URI1: variants seen among roughly 807,000 people sequenced by gnomAD.
URI1 encodes unconventional prefoldin RPB5 interactor 1.
URI1 carries 39 observed loss-of-function variants against 60.2 expected under a neutral mutation model. The observed-to-expected ratio is 0.65, with a 90% confidence interval of 0.50 to 0.85. The LOEUF (loss-of-function observed/expected upper bound fraction) is 0.85. URI1 is among the 40% of genes least tolerant of loss of function. URI1 has a pLI of 0.00. For missense variants in URI1, 691 were observed against 665.9 expected (o/e 1.04, Z -0.42); for synonymous variants, 251 against 236.8 (o/e 1.06, Z -0.55).
intron 4 of URI1, among the ~76,000 whole-genome samples, chr19:29,988,020 T>C (rs577296777): frequency 6.6e-6 from 1 of 151,990 alleles, no homozygotes; most frequent in Admixed American, 6.5e-5. Context: ...ATACAAAAAT[T>C]AGCCGGGCGT....
intron 1 of URI1, among the ~76,000 whole-genome samples, chr19:29,970,887 G>T (rs2055450845): frequency 6.6e-6 from 1 of 151,994 alleles, no homozygotes; most frequent in Admixed American, 6.5e-5. Context: ...CAGGTCTGTA[G>T]ATTGTACAAA....
chr19:30,009,412 T>C, intron 8 of URI1, 59 bp downstream of exon 8: 2 of 1,435,974 alleles, frequency 1.4e-6, no homozygotes, highest in Non-Finnish European at 9.6e-7. Context: ...AGCATTATGA[T>C]ATTTTTTAGA....
Position 29,942,473 on chromosome 19 carries a change from G to A in URI1, c.-75G>A. The A allele has an allele frequency of 9.3e-7, 1 of 1,075,258 alleles. No individual in the cohort carries two copies. Among genetic ancestry groups the A allele is most frequent in the Non-Finnish European group, 1.1e-6 (1 of 887,478 alleles). 66.6% of individuals were successfully genotyped at this position (1,075,258 alleles called of 1,614,324 possible). ...CTGAGGGCGGGCGCGCGGGCGCTGG[G>A]CAACTGCCGGCCGCGCCGCCTGCGC... On this transcript the variant is annotated 5_prime_UTR_variant, in exon 1 of 11. Transcript: ENST00000392271.
chr19:29,926,120 T>C (rs952479361), intron 1 of URI1, among the ~76,000 whole-genome samples: 1 of 151,994 alleles, frequency 6.6e-6, no homozygotes. Flanking sequence ...TTTATTTCAA[T>C]AGGTTTTTAA....
intron 1 of URI1, among the ~76,000 whole-genome samples, chr19:29,927,261 CTTTTT>C (rs5827680): frequency 8.0e-6 from 1 of 124,860 alleles, no homozygotes; most frequent in South Asian, 2.5e-4. Context: ...TTTCATCCCT[CTTTTT>C]TTTTTTTTTT....
chr19:29,924,177 GGTC>G (rs2054845975), intron 1 of URI1, among the ~76,000 whole-genome samples: 1 of 152,018 alleles, frequency 6.6e-6, no homozygotes, highest in Non-Finnish European at 1.5e-5. Context: ...TTTTTTACTC[GGTC>G]TACTGATTCG....
In URI1 at chr19:30,015,685, A is replaced by C; in HGVS notation, c.*616A>C. 1.8e-6 allele frequency: 2 copies of C among 1,116,934 alleles called. No individual in the cohort carries two copies. Among genetic ancestry groups the C allele is most frequent in the Non-Finnish European group, 2.5e-6 (2 of 794,692 alleles). The allele number at this position is 1,116,934 out of a possible 1,614,324, so 69.2% of individuals were successfully genotyped here. ...GTAAAACTTTTTTTTCCAAGTAAAAACTTTATGAAACTTGGTCTCAAAAAT... is the reference window on the plus strand; with the variant it reads ...GTAAAACTTTTTTTTCCAAGTAAAACCTTTATGAAACTTGGTCTCAAAAAT... On this transcript the variant is annotated 3_prime_UTR_variant, in exon 11 of 11. Coordinates refer to ENST00000392271, the MANE Select transcript of URI1 (RefSeq NM_003796.3).
At chr19:29,979,533 CTA>C (rs138898035) in intron 2 of URI1, among the ~76,000 whole-genome samples, 2 of 151,326 alleles carry the variant, frequency 1.3e-5, no homozygotes, top group Non-Finnish European at 1.5e-5. Context: ...TCCAGGCTTA[CTA>C]TATATATATA....
intron 4 of URI1, among the ~76,000 whole-genome samples, chr19:29,995,845 A>G (rs1961884440): frequency 1.3e-5 from 2 of 152,044 alleles, no homozygotes; most frequent in African/African-American, 4.8e-5. Context: ...TTTTCTCAAC[A>G]CGATTTGCTG....
intron 2 of URI1, among the ~76,000 whole-genome samples, chr19:29,972,280 T>A (rs1198530358): frequency 6.6e-6 from 1 of 152,118 alleles, no homozygotes; most frequent in Non-Finnish European, 1.5e-5. Context: ...TTTCAATAAA[T>A]GCATCGTTGT....
chr19:29,990,638 T>G (rs896860445), intron 4 of URI1, among the ~76,000 whole-genome samples: 1 of 152,202 alleles, frequency 6.6e-6, no homozygotes, highest in Non-Finnish European at 1.5e-5. Context: ...ATTGTATGAT[T>G]CCATTTACAT....
intron 4 of URI1, 97 bp downstream of exon 4, chr19:29,986,514 T>TG: frequency 2.1e-6 from 3 of 1,426,622 alleles, no homozygotes; most frequent in Non-Finnish European, 2.8e-6. Context: ...GTACCTTCCG[T>TG]GATCTATGAA....
intron 4 of URI1, among the ~76,000 whole-genome samples, chr19:29,993,209 G>A (rs1396658852): frequency 1.3e-5 from 2 of 152,170 alleles, no homozygotes; most frequent in Non-Finnish European, 2.9e-5. Context: ...GCTTAGAGAA[G>A]AGATCAGAAG....
Position 29,972,308 on chromosome 19 carries a change from G to GT in URI1, c.152+1082dup, listed in dbSNP as rs548207218. ...ATCGTTGTAGTTGCTTCCACTGGTGGTGTAAGTGTGTTAGCATTTCCATAA... is the reference window on the plus strand; with the variant it reads ...ATCGTTGTAGTTGCTTCCACTGGTGGTTGTAAGTGTGTTAGCATTTCCATAA... On this transcript the variant is annotated intron_variant, in intron 2 of 10. Coordinates refer to ENST00000392271, the MANE Select transcript of URI1 (RefSeq NM_003796.3). 1.6e-3 allele frequency among the ~76,000 whole-genome samples: 244 copies of GT among 152,196 alleles called. 1 individual carries two copies. Among genetic ancestry groups the GT allele is most frequent in the African/African-American group, 5.4e-3 (225 of 41,562 alleles).
intron 4 of URI1, among the ~76,000 whole-genome samples, chr19:30,001,219 T>TG (rs1222434521): frequency 2.0e-5 from 3 of 151,956 alleles, no homozygotes; most frequent in Non-Finnish European, 4.4e-5. Flanking sequence ...CATTTATACT[T>TG]GCGTTGAGTA....
At chr19:29,991,403 A>G (rs1022529186) in intron 4 of URI1, among the ~76,000 whole-genome samples, 8 of 152,200 alleles carry the variant, frequency 5.3e-5, no homozygotes, top group African/African-American at 1.9e-4. Flanking sequence ...TTGTTTTTCA[A>G]GTGTTCTAGT....
chr19:29,944,187 A>G (rs1298518353), intron 1 of URI1, among the ~76,000 whole-genome samples: 4 of 111,812 alleles, frequency 3.6e-5, no homozygotes, highest in Non-Finnish European at 5.5e-5. Context: ...ATATATATAT[A>G]TATATAAAAC....
rs75346399 is a variant in URI1, at chr19:29,952,652, G to C, written c.117+9988G>C. 8.5e-5 allele frequency among the ~76,000 whole-genome samples: 13 copies of C among 152,174 alleles called. No individual in the cohort carries two copies. The East Asian group carries it at 2.5e-3, about 29-fold the overall frequency. ...ATTTAAAAAACTTACAGGAGTAGAA[G>C]AGGAAATAGAGTTTAGAGATCTTTT... On this transcript the variant is annotated intron_variant, in intron 1 of 10. Coordinates refer to ENST00000392271, the MANE Select transcript of URI1 (RefSeq NM_003796.3).
chr19:29,971,027 T>G (rs2055453119), intron 1 of URI1, 166 bp from the exon 2 acceptor site: 1 of 640,726 alleles, frequency 1.6e-6, no homozygotes, highest in Non-Finnish European at 2.8e-6. Context: ...TAAAGTGTGC[T>G]GCTTAAAAAC....
Sources: allele counts gnomAD v4.1 joint callset (sites outside exome capture counted in the v4.1 genomes callset), GRCh38; gene constraint gnomAD v4.1.1; transcripts MANE v1.5; gene names NCBI Gene and HGNC (gene_info 2026-07-23, HGNC 2026-07-21).